CCSER1: variants seen among roughly 807,000 people sequenced by gnomAD.
The protein encoded by CCSER1 is coiled-coil serine rich protein 1.
Under a neutral mutation model 82.0 loss-of-function variants are expected in CCSER1, and 41 were observed. The observed-to-expected ratio is 0.50, with a 90% CI of 0.39 to 0.65. The LOEUF (loss-of-function observed/expected upper bound fraction) is 0.65. Ranked by LOEUF, CCSER1 falls within the 30% of genes least tolerant of loss-of-function variation. The pLI is 0.00. For missense variants in CCSER1, 1,119 were observed against 1,064.2 expected (o/e 1.05, Z -0.72); for synonymous variants, 414 against 383.9 (o/e 1.08, Z -0.92).
At chr4:90,491,628 A>C (rs949880937) in intron 5 of CCSER1, among the ~76,000 whole-genome samples, 4 of 152,150 alleles carry the variant, frequency 2.6e-5, no homozygotes, top group African/African-American at 9.7e-5. Context: ...GTTTTTGGCC[A>C]TTCAGTATGA....
intron 6 of CCSER1, among the ~76,000 whole-genome samples, chr4:90,687,942 C>T (rs1394146184): frequency 1.3e-5 from 2 of 152,112 alleles, no homozygotes; most frequent in East Asian, 3.9e-4. Flanking sequence ...TGTAGCCTGT[C>T]CTCATCCCAG....
At chr4:91,074,950 A>G (rs1173401331) in intron 9 of CCSER1, among the ~76,000 whole-genome samples, 1 of 152,166 alleles carries the variant, frequency 6.6e-6, no homozygotes, top group African/African-American at 2.4e-5. Context: ...AAATCAACCA[A>G]ATCTAGGGAT....
At chr4:91,125,322 A>C (rs1292961613) in intron 10 of CCSER1, among the ~76,000 whole-genome samples, 1 of 151,836 alleles carries the variant, frequency 6.6e-6, no homozygotes, top group South Asian at 2.1e-4. Flanking sequence ...AATTGCTACT[A>C]AAAACATTGC....
At chr4:90,497,117 A>G (rs1047624447) in intron 5 of CCSER1, among the ~76,000 whole-genome samples, 7 of 152,190 alleles carry the variant, frequency 4.6e-5, no homozygotes, top group Admixed American at 1.3e-4. Context: ...TAATAATCAA[A>G]GTAACATTAC....
rs186615206 is a variant in CCSER1, at chr4:90,704,897, A to T, written c.1933-19017A>T. Among the ~76,000 whole-genome samples the T allele has an allele frequency of 4.6e-3, 701 of 152,238 alleles. 8 individuals carry two copies. The highest frequency in any genetic ancestry group is 0.016 in the African/African-American group (668 of 41,548). ...CATCTAATCTTTTTTCAAGGTTTTT[A>T]GCTTCTTTTAATGGGTTCGAACTTC... On this transcript the variant is annotated intron_variant, in intron 6 of 10. Transcript: ENST00000509176.
intron 8 of CCSER1, among the ~76,000 whole-genome samples, chr4:90,876,739 G>A (rs1434804950): frequency 6.6e-6 from 1 of 151,862 alleles, no homozygotes; most frequent in Non-Finnish European, 1.5e-5. Context: ...TTTTTCTTTA[G>A]CCACTATTTT....
At chr4:91,594,462 C>CATATATACAT (rs749195962) in intron 10 of CCSER1, among the ~76,000 whole-genome samples, 20 of 147,696 alleles carry the variant, frequency 1.4e-4, no homozygotes, top group African/African-American at 5.0e-4. Context: ...TATATACACA[C>CATATATACAT]ATATATACAT....
At chr4:91,532,396 T>G (rs1463779290) in intron 10 of CCSER1, among the ~76,000 whole-genome samples, 1 of 152,190 alleles carries the variant, frequency 6.6e-6, no homozygotes, top group African/African-American at 2.4e-5. Flanking sequence ...GTCTGAGTAG[T>G]TACTATATAG....
At chr4:90,489,009 C>T (rs1474150431) in intron 5 of CCSER1, among the ~76,000 whole-genome samples, 1 of 152,084 alleles carries the variant, frequency 6.6e-6, no homozygotes, top group Non-Finnish European at 1.5e-5. Flanking sequence ...ATAAATATAA[C>T]AACTTGGATA....
At chr4:91,150,926 A>G (rs991460877) in intron 10 of CCSER1, among the ~76,000 whole-genome samples, 1 of 152,116 alleles carries the variant, frequency 6.6e-6, no homozygotes, top group Admixed American at 6.6e-5. Context: ...TTGGTCTAAA[A>G]TTCTCTTTTT....
At chr4:90,314,878 G>A (rs1390789280) in intron 3 of CCSER1, among the ~76,000 whole-genome samples, 1 of 107,008 alleles carries the variant, frequency 9.3e-6, no homozygotes, top group Admixed American at 1.6e-4. Flanking sequence ...ACAGAGTCTC[G>A]CTCTGTCTCC....
intron 9 of CCSER1, among the ~76,000 whole-genome samples, chr4:91,067,800 A>C (rs1721000678): frequency 6.6e-6 from 1 of 152,160 alleles, no homozygotes; most frequent in Non-Finnish European, 1.5e-5. Flanking sequence ...AATATTAGAG[A>C]ATACCTTTTG....
At position 90,918,291 on chromosome 4, in the gene CCSER1, T is replaced by C. The variant is rs139039859; in HGVS notation, c.2095-5079T>C. 1,823 of 453,082 alleles carry C rather than the reference T, an allele frequency of 4.0e-3. 36 individuals carry two copies. Among genetic ancestry groups the C allele is most frequent in the African/African-American group, 0.034 (1,705 of 49,902 alleles). 28.1% of individuals were successfully genotyped at this position (453,082 alleles called of 1,614,324 possible). On this transcript the variant is annotated intron_variant, in intron 8 of 10. Coordinates refer to ENST00000509176, the MANE Select transcript of CCSER1 (RefSeq NM_001145065.2). ...TCCAAGTTTTTGAAAGTTCATCTTT[T>C]TCATCTTGTTGATAAATTTCATCAA...
At chr4:91,539,653 A>C (rs1250572846) in intron 10 of CCSER1, among the ~76,000 whole-genome samples, 1 of 152,114 alleles carries the variant, frequency 6.6e-6, no homozygotes, top group African/African-American at 2.4e-5. Flanking sequence ...ACAGAATTAA[A>C]TAATAGTGTC....
intron 5 of CCSER1, among the ~76,000 whole-genome samples, chr4:90,623,017 T>C (rs1438916282): frequency 6.9e-6 from 1 of 145,478 alleles, no homozygotes; most frequent in Non-Finnish European, 1.5e-5. Context: ...TGAAGATGGG[T>C]AAAGGATTTT....
chr4:91,373,862 A>G (rs1750210814), intron 10 of CCSER1, among the ~76,000 whole-genome samples: 2 of 152,244 alleles, frequency 1.3e-5, no homozygotes, highest in Non-Finnish European at 2.9e-5. Context: ...ATGCTACTCC[A>G]GAGCACATAT....
At chr4:91,319,592 G>A in intron 10 of CCSER1, 2 of 449,602 alleles carry the variant, frequency 4.4e-6, no homozygotes, top group Non-Finnish European at 8.9e-6. Flanking sequence ...TCACAAAGAA[G>A]CAATAGTTGG....
chr4:91,246,266 CTGTT>C (rs1394817828), intron 10 of CCSER1, among the ~76,000 whole-genome samples: 13 of 151,618 alleles, frequency 8.6e-5, no homozygotes, highest in South Asian at 2.1e-4. Flanking sequence ...TTTTGCATGT[CTGTT>C]TGTATACAGA....
intron 10 of CCSER1, among the ~76,000 whole-genome samples, chr4:91,282,996 T>C (rs558211002): frequency 4.7e-4 from 71 of 152,208 alleles, no homozygotes; most frequent in Non-Finnish European, 5.4e-4. Flanking sequence ...CAATACATAT[T>C]ATTTAATCTT....
Sources: gnomAD v4.1 joint callset for allele counts (sites outside exome capture counted in the v4.1 genomes callset) on GRCh38, gnomAD v4.1.1 for gene constraint, MANE v1.5 for transcripts, NCBI Gene and HGNC (gene_info 2026-07-23, HGNC 2026-07-21) for gene names.